TSHZ2: variants seen among roughly 807,000 people sequenced by gnomAD.
The protein encoded by TSHZ2 is teashirt zinc finger homeobox 2, also known as teashirt homolog 2.
A neutral mutation model predicts 74.4 loss-of-function variants in TSHZ2; 21 were observed. The ratio of observed to expected loss-of-function variants is 0.28; its 90% CI spans 0.20 to 0.41. The LOEUF is 0.41. Ranked by LOEUF, TSHZ2 falls within the 10% of genes least tolerant of loss-of-function variation. The probability of loss-of-function intolerance (pLI) is 1.00; values close to 1 mark genes in which losing one functional copy is unlikely to be tolerated. For missense variants in TSHZ2, 1,244 were observed against 1,293.5 expected, an observed-to-expected ratio of 0.96 and a Z score of 0.59; for synonymous variants, 540 against 515.3, an observed-to-expected ratio of 1.05 and a Z score of -0.65.
At chr20:53,344,416 A>G (rs141750223) in intron 2 of TSHZ2, among the ~76,000 whole-genome samples, 1 of 152,254 alleles carries the variant, frequency 6.6e-6, no homozygotes, top group Non-Finnish European at 1.5e-5. Context: ...CGCTGAATTG[A>G]CCATACTGTC....
intron 2 of TSHZ2, among the ~76,000 whole-genome samples, chr20:53,446,772 T>A (rs2184260): frequency 6.6e-6 from 1 of 151,960 alleles, no homozygotes; most frequent in African/African-American, 2.4e-5. Flanking sequence ...GTAAGGCAGG[T>A]ATCCAGGGAC....
intron 1 of TSHZ2, among the ~76,000 whole-genome samples, chr20:53,049,674 A>G (rs968702646): frequency 1.2e-4 from 18 of 152,078 alleles, no homozygotes; most frequent in African/African-American, 4.3e-4. Flanking sequence ...CAGAGTAGAC[A>G]AGGAAGGAAA....
At chr20:53,073,136 CCCTTAATCCATT>C (rs1985241868) in intron 1 of TSHZ2, among the ~76,000 whole-genome samples, 1 of 150,334 alleles carries the variant, frequency 6.7e-6, no homozygotes, top group Non-Finnish European at 1.5e-5. Flanking sequence ...CTCCATCCAT[CCCTTAATCCATT>C]CATCCATCCC....
chr20:53,491,032 T>C lies in TSHZ2; in HGVS notation c.*3897T>C, dbSNP rs968931874. On this transcript the variant is annotated 3_prime_UTR_variant, in exon 3 of 3. Coordinates refer to ENST00000371497, the MANE Select transcript of TSHZ2 (RefSeq NM_173485.6). Reference sequence around the variant, plus strand: ...ACCTTCTTTTCTTTTTCATTGAGTTTCATTTTTTAAGCTTGTTAAATGCTT... The same window carrying C: ...ACCTTCTTTTCTTTTTCATTGAGTTCCATTTTTTAAGCTTGTTAAATGCTT... The C allele has an allele frequency of 7.9e-5, 12 of 151,084 alleles. No individual in the cohort carries two copies. Among genetic ancestry groups the C allele is most frequent in the African/African-American group, 2.9e-4 (12 of 40,994 alleles). The allele number at this position is 151,084 out of a possible 1,614,324, so 9.4% of individuals were successfully genotyped here.
intron 2 of TSHZ2, among the ~76,000 whole-genome samples, chr20:53,469,619 AGGGAGGAAGG>A (rs1985704292): frequency 8.8e-6 from 1 of 113,954 alleles, no homozygotes; most frequent in Non-Finnish European, 1.8e-5. Context: ...ATAGATAGAG[AGGGAGGAAGG>A]GAGGGAGGAA....
intron 2 of TSHZ2, among the ~76,000 whole-genome samples, chr20:53,376,680 T>G (rs920697825): frequency 6.6e-6 from 1 of 152,184 alleles, no homozygotes; most frequent in Non-Finnish European, 1.5e-5. Flanking sequence ...CTGAAACAAC[T>G]GAGAGCTAGC....
chr20:53,127,064 AAAGAGAG>A (rs1303139477), intron 1 of TSHZ2, among the ~76,000 whole-genome samples: 2 of 152,326 alleles, frequency 1.3e-5, no homozygotes, highest in East Asian at 3.9e-4. Context: ...GGGAGGCAGG[AAAGAGAG>A]AAGAGAGAGC....
At chr20:53,383,797 C>A (rs1188634240) in intron 2 of TSHZ2, among the ~76,000 whole-genome samples, 1 of 151,536 alleles carries the variant, frequency 6.6e-6, no homozygotes, top group Admixed American at 6.6e-5. Context: ...ATTGTTATTA[C>A]AAAAAAAAGC....
intron 2 of TSHZ2, among the ~76,000 whole-genome samples, chr20:53,311,722 C>A (rs975203969): frequency 2.0e-4 from 30 of 152,198 alleles, no homozygotes; most frequent in African/African-American, 7.0e-4. Flanking sequence ...CTCTCATGAG[C>A]ACTGTGCCCA....
chr20:53,283,758 T>C (rs2145441011), intron 2 of TSHZ2, among the ~76,000 whole-genome samples: 1 of 152,254 alleles, frequency 6.6e-6, no homozygotes, highest in East Asian at 1.9e-4. Flanking sequence ...CAAAGTGAGG[T>C]CATCCTACCC....
intron 1 of TSHZ2, among the ~76,000 whole-genome samples, chr20:53,010,699 C>T (rs1456571179): frequency 6.6e-6 from 1 of 152,146 alleles, no homozygotes; most frequent in Non-Finnish European, 1.5e-5. Context: ...AGCAAATTAA[C>T]CACCAATATG....
intron 1 of TSHZ2, among the ~76,000 whole-genome samples, chr20:53,199,402 A>G (rs962228205): frequency 6.6e-6 from 1 of 152,204 alleles, no homozygotes; most frequent in Non-Finnish European, 1.5e-5. Flanking sequence ...TGAGCCTGGG[A>G]GGTGGAAGTT....
chr20:53,472,397 G>A (rs945243906), intron 2 of TSHZ2, among the ~76,000 whole-genome samples: 1 of 152,176 alleles, frequency 6.6e-6, no homozygotes, highest in African/African-American at 2.4e-5. Flanking sequence ...CGAACTTTCT[G>A]GCTGAAAGTT....
At chr20:53,167,510 C>T (rs1190924128) in intron 1 of TSHZ2, among the ~76,000 whole-genome samples, 1 of 152,016 alleles carries the variant, frequency 6.6e-6, no homozygotes, top group African/African-American at 2.4e-5. Context: ...TGAGATCAGA[C>T]TTTGTGTCAG....
At chr20:53,084,335 A>G (rs1334155240) in intron 1 of TSHZ2, among the ~76,000 whole-genome samples, 2 of 152,212 alleles carry the variant, frequency 1.3e-5, no homozygotes, top group African/African-American at 2.4e-5. Context: ...CAATTTGGAT[A>G]TTCAAGTGGA....
rs552487223 is a variant in TSHZ2 at position 53,177,433 on chromosome 20, A to C, written c.41-76066A>C. Among the ~76,000 whole-genome samples, 3 of 152,278 alleles carry C rather than the reference A, an allele frequency of 2.0e-5. No individual in the cohort carries two copies. In the East Asian group the frequency reaches 5.8e-4, roughly 29 times the overall value. The stretch of plus-strand genomic sequence containing the variant: ...ATTAAAATGTAGATTCTGATTCAGC[A>C]GATCTGTGCCGAGATTCTACATTTC... On this transcript the variant is annotated intron_variant, in intron 1 of 2. Coordinates refer to ENST00000371497, the MANE Select transcript of TSHZ2 (RefSeq NM_173485.6).
intron 1 of TSHZ2, among the ~76,000 whole-genome samples, chr20:53,145,478 C>T (rs562805333): frequency 6.6e-6 from 1 of 152,026 alleles, no homozygotes; most frequent in South Asian, 2.1e-4. Flanking sequence ...CCTGGGAAAC[C>T]CTAATAGCAG....
At chr20:53,287,964 C>T (rs1288706068) in intron 2 of TSHZ2, among the ~76,000 whole-genome samples, 1 of 152,138 alleles carries the variant, frequency 6.6e-6, no homozygotes, top group African/African-American at 2.4e-5. Context: ...CTTTAATCCT[C>T]AAGCTAATTT....
At chr20:52,978,214 T>A (rs1318298142) in intron 1 of TSHZ2, among the ~76,000 whole-genome samples, 7 of 152,170 alleles carry the variant, frequency 4.6e-5, no homozygotes, top group Non-Finnish European at 1.0e-4. Context: ...GTCCATTGAA[T>A]GGGTTTTGGT....
Sources: gnomAD v4.1 joint callset for allele counts (sites outside exome capture counted in the v4.1 genomes callset) on GRCh38, gnomAD v4.1.1 for gene constraint, MANE v1.5 for transcripts, NCBI Gene and HGNC (gene_info 2026-07-23, HGNC 2026-07-21) for gene names.